NCKAP1L: variants seen among roughly 807,000 people sequenced by gnomAD.
NCKAP1L encodes NCK associated protein 1 like.
In NCKAP1L, 53 loss-of-function variants were observed where a neutral mutation model predicts 139.2. That is an observed-to-expected ratio of 0.38 (90% confidence interval 0.31 to 0.48). NCKAP1L has a LOEUF of 0.48. Ranked by LOEUF, NCKAP1L falls within the 20% of genes least tolerant of loss-of-function variation. NCKAP1L has a pLI of 0.98. For missense variants in NCKAP1L, 1,151 were observed against 1,381.9 expected (o/e 0.83, Z 2.65); for synonymous variants, 468 against 499.7 (o/e 0.94, Z 0.85).
chr12:54,514,246 T>A (rs1429190835), intron 9 of NCKAP1L, among the ~76,000 whole-genome samples: 4 of 152,190 alleles, frequency 2.6e-5, no homozygotes, highest in African/African-American at 7.2e-5. Flanking sequence ...GTTTCCATTT[T>A]AAAAAATCAT....
chr12:54,521,102 G>C lies in NCKAP1L; in HGVS notation c.1759-17G>C. The stretch of plus-strand genomic sequence containing the variant: ...GCTGGTGATGACAGTCTCTTCTTTG[G>C]TCCCTCTTTCCCATAGTACCCCCAC... On this transcript the variant is annotated splice_polypyrimidine_tract_variant and intron_variant, in intron 17 of 30. Coordinates refer to ENST00000293373, the MANE Select transcript of NCKAP1L (RefSeq NM_005337.5). 2 of 1,613,794 alleles carry C rather than the reference G, an allele frequency of 1.2e-6. No homozygotes were observed. The highest frequency in any genetic ancestry group is 1.7e-6 in the Non-Finnish European group (2 of 1,179,838).
chr12:54,499,937 A>T (rs1956783629), intron 2 of NCKAP1L, among the ~76,000 whole-genome samples: 1 of 152,102 alleles, frequency 6.6e-6, no homozygotes, highest in Non-Finnish European at 1.5e-5. Context: ...TGATATAAAT[A>T]GTATATCTGT....
Position 54,542,807 on chromosome 12 carries a change from G to T in NCKAP1L, c.*122G>T. 1 of 671,308 alleles carries T rather than the reference G, an allele frequency of 1.5e-6. No homozygotes were observed. Among genetic ancestry groups the T allele is most frequent in the Non-Finnish European group, 2.6e-6 (1 of 381,130 alleles). 41.6% of individuals were successfully genotyped at this position (671,308 alleles called of 1,614,324 possible). On this transcript the variant is annotated 3_prime_UTR_variant, in exon 31 of 31. Coordinates refer to ENST00000293373, the MANE Select transcript of NCKAP1L (RefSeq NM_005337.5). ...GGGGTCACTAAGGAGAGAGGGTCAG[G>T]AGCCAGAGTTGATGAGCAGATCTGT...
At chr12:54,530,937 A>G (rs1026840620) in intron 22 of NCKAP1L, among the ~76,000 whole-genome samples, 4 of 152,240 alleles carry the variant, frequency 2.6e-5, no homozygotes, top group Non-Finnish European at 5.9e-5. Flanking sequence ...TAATAAAACT[A>G]GTATAGCTAG....
intron 1 of NCKAP1L, among the ~76,000 whole-genome samples, chr12:54,499,086 C>A (rs939662680): frequency 6.6e-6 from 1 of 151,928 alleles, no homozygotes; most frequent in Non-Finnish European, 1.5e-5. Flanking sequence ...CCACCATGCC[C>A]AGCTAATTTT....
intron 3 of NCKAP1L, among the ~76,000 whole-genome samples, chr12:54,504,489 G>A (rs2120878226): frequency 6.6e-6 from 1 of 152,318 alleles, no homozygotes; most frequent in South Asian, 2.1e-4. Flanking sequence ...CATAAAAAAA[G>A]TCTCTTACTG....
chr12:54,516,802 T>G (rs1268860474), intron 10 of NCKAP1L, 94 bp from the exon 11 acceptor site: 10 of 1,096,070 alleles, frequency 9.1e-6, no homozygotes, highest in Non-Finnish European at 1.4e-5. Flanking sequence ...TTCTGCCTGA[T>G]ATCCCTTCCT....
chr12:54,497,773 C>G lies in NCKAP1L; in HGVS notation c.-17C>G. The G allele has an allele frequency of 2.9e-4, 430 of 1,492,802 alleles. No individual in the cohort carries two copies. Among genetic ancestry groups the G allele is most frequent in the Non-Finnish European group, 3.6e-4 (383 of 1,069,936 alleles). 92.5% of individuals were successfully genotyped at this position (1,492,802 alleles called of 1,614,324 possible). On this transcript the variant is annotated 5_prime_UTR_variant, in exon 1 of 31. Coordinates refer to ENST00000293373, the MANE Select transcript of NCKAP1L (RefSeq NM_005337.5). ...GATCAGACATTGCTGTCTGGTGCTC[C>G]TCTCTCAGTGGCCATCATGTCTTTG...
At chr12:54,516,567 T>C (rs1013843481) in intron 10 of NCKAP1L, among the ~76,000 whole-genome samples, 1 of 151,980 alleles carries the variant, frequency 6.6e-6, no homozygotes, top group Non-Finnish European at 1.5e-5. Context: ...TGCCTCAGCC[T>C]TCTGAGTAGC....
chr12:54,522,582 C>T (rs1229405469), intron 18 of NCKAP1L, among the ~76,000 whole-genome samples: 5 of 152,214 alleles, frequency 3.3e-5, no homozygotes, highest in Admixed American at 3.3e-4. Context: ...TCAGGGTTGA[C>T]ACATCTTTTT....
intron 16 of NCKAP1L, among the ~76,000 whole-genome samples, chr12:54,520,147 T>C (rs897667846): frequency 7.9e-5 from 12 of 152,228 alleles, no homozygotes; most frequent in Non-Finnish European, 1.2e-4. Flanking sequence ...CTGCCTTCTG[T>C]AAGCAATGTA....
intron 3 of NCKAP1L, among the ~76,000 whole-genome samples, chr12:54,501,888 C>T (rs1956800726): frequency 6.6e-6 from 1 of 152,184 alleles, no homozygotes; most frequent in Admixed American, 6.5e-5. Context: ...CCTCCACATC[C>T]TCGCCAACAA....
intron 17 of NCKAP1L, 65 bp downstream of exon 17, chr12:54,520,891 A>G: frequency 6.2e-7 from 1 of 1,601,774 alleles, no homozygotes; most frequent in Non-Finnish European, 8.6e-7. Context: ...CCAAAACACA[A>G]TTCCAAGGGT....
intron 28 of NCKAP1L, among the ~76,000 whole-genome samples, 177 bp from the exon 29 acceptor site, chr12:54,536,767 A>G (rs2120972532): frequency 6.6e-6 from 1 of 151,920 alleles, no homozygotes; most frequent in South Asian, 2.1e-4. Flanking sequence ...ATTCGATTTC[A>G]ATAAGATTTC....
At position 54,526,562 on chromosome 12, in the gene NCKAP1L, A is replaced by G; in HGVS notation, c.2191A>G (p.Thr731Ala). 2 of 1,614,034 alleles carry G rather than the reference A, an allele frequency of 1.2e-6. No individual in the cohort carries two copies. The highest frequency in any genetic ancestry group is 1.3e-5 in the African/African-American group (1 of 74,972). ...GTGGCTGGCTGGCTACAATGCCACG[A>G]CCCAGGAGATCGTACGGCCTTCTGA... The part of the protein sequence containing the change: ...IVWLAGYNAT[T>A]QEIVRPSELL... Residue 731 changes from threonine (T) to alanine (A), a missense_variant, in exon 21 of 31, where the codon ACC becomes GCC. Thr to Ala is a moderately conservative substitution (Grantham distance 58). Coordinates refer to ENST00000293373, the MANE Select transcript of NCKAP1L (RefSeq NM_005337.5).
At chr12:54,529,399 A>G (rs1275917287) in intron 22 of NCKAP1L, among the ~76,000 whole-genome samples, 1 of 152,198 alleles carries the variant, frequency 6.6e-6, no homozygotes, top group Non-Finnish European at 1.5e-5. Flanking sequence ...TTTACCAACT[A>G]ATTCATGAAC....
At chr12:54,528,657 G>A (rs1037765814) in intron 22 of NCKAP1L, among the ~76,000 whole-genome samples, 2 of 150,432 alleles carry the variant, frequency 1.3e-5, no homozygotes, top group African/African-American at 2.4e-5. Flanking sequence ...ATGGAGTCTC[G>A]CTCTGTTGCC....
chr12:54,539,735 CT>C (rs2120979525), intron 30 of NCKAP1L, among the ~76,000 whole-genome samples: 1 of 152,260 alleles, frequency 6.6e-6, no homozygotes, highest in South Asian at 2.1e-4. Flanking sequence ...GTAGAGTGTT[CT>C]GGGGCCCTCC....
chr12:54,536,630 C>T, intron 28 of NCKAP1L: 1 of 312,338 alleles, frequency 3.2e-6, no homozygotes, highest in East Asian at 7.8e-5. Flanking sequence ...TGCACTCCAG[C>T]ATAGTGACAG....
Sources: gnomAD v4.1 joint callset for allele counts (sites outside exome capture counted in the v4.1 genomes callset) on GRCh38, gnomAD v4.1.1 for gene constraint, MANE v1.5 for transcripts, NCBI Gene and HGNC (gene_info 2026-07-23, HGNC 2026-07-21) for gene names.